The following ZNF385D variants were observed in gnomAD, a reference collection of about 807,000 sequenced individuals.
ZNF385D encodes zinc finger protein 659.
Under a neutral mutation model 35.8 loss-of-function variants are expected in ZNF385D, and 15 were observed. The observed-to-expected ratio is 0.42, with a 90% CI of 0.28 to 0.64. ZNF385D has a LOEUF of 0.64. Ranked by LOEUF, ZNF385D falls within the 30% of genes least tolerant of loss-of-function variation. The probability of loss-of-function intolerance (pLI) is 0.23; values close to 1 mark genes in which losing one functional copy is unlikely to be tolerated. For synonymous variants in ZNF385D, 212 were observed against 186.8 expected (o/e 1.13, Z -1.10); for missense variants, 474 against 494.6 (o/e 0.96, Z 0.39).
chr3:21,890,122 T>C (rs1238548754), intron 3 of ZNF385D, among the ~76,000 whole-genome samples: 1 of 152,146 alleles, frequency 6.6e-6, no homozygotes, highest in African/African-American at 2.4e-5. Context: ...TATATATATC[T>C]TTTTGGGGAG....
intron 2 of ZNF385D, among the ~76,000 whole-genome samples, chr3:21,661,220 G>T (rs535388597): frequency 3.9e-5 from 6 of 152,250 alleles, no homozygotes; most frequent in African/African-American, 1.4e-4. Context: ...GCCTGGAATA[G>T]TTTGTATTTT....
chr3:21,437,204 CTG>C lies in ZNF385D; in HGVS notation c.440-3_440-2del. 1 of 1,609,842 alleles carries C rather than the reference CTG, an allele frequency of 6.2e-7. No individual in the cohort carries two copies. Among genetic ancestry groups the C allele is most frequent in the Admixed American group, 1.7e-5 (1 of 59,198 alleles). On this transcript the variant is annotated splice_acceptor_variant and splice_polypyrimidine_tract_variant and intron_variant, in intron 4 of 7. Transcript: ENST00000281523. LOFTEE classifies it high-confidence loss of function. ...ATTGCTGGTGTCCCTGCAGTACCGTCTGTATTCAAAATAACACAGAAAAAAGG... is the reference window on the plus strand; with the variant it reads ...ATTGCTGGTGTCCCTGCAGTACCGTCTATTCAAAATAACACAGAAAAAAGG...
At chr3:21,999,384 G>A (rs959443303) in intron 3 of ZNF385D, among the ~76,000 whole-genome samples, 3 of 151,810 alleles carry the variant, frequency 2.0e-5, no homozygotes, top group African/African-American at 4.8e-5. Context: ...TGCAATCTTA[G>A]TGTATGGGAT....
intron 2 of ZNF385D, among the ~76,000 whole-genome samples, chr3:22,260,713 C>T (rs1339062869): frequency 6.6e-6 from 1 of 151,774 alleles, no homozygotes; most frequent in Non-Finnish European, 1.5e-5. Context: ...TAAAAAATAC[C>T]TTCTAATTTA....
At chr3:22,339,199 T>C (rs192938665) in intron 2 of ZNF385D, among the ~76,000 whole-genome samples, 2 of 152,290 alleles carry the variant, frequency 1.3e-5, no homozygotes, top group Non-Finnish European at 2.9e-5. Flanking sequence ...AAACATTTAG[T>C]TTTAGCTGAA....
intron 2 of ZNF385D, among the ~76,000 whole-genome samples, chr3:22,214,187 G>A (rs1697705638): frequency 6.6e-6 from 1 of 152,002 alleles, no homozygotes; most frequent in African/African-American, 2.4e-5. Flanking sequence ...TGTCTTTACT[G>A]CAATCTCTGA....
At chr3:22,294,248 A>G (rs1453074119) in intron 2 of ZNF385D, among the ~76,000 whole-genome samples, 1 of 152,072 alleles carries the variant, frequency 6.6e-6, no homozygotes, top group Non-Finnish European at 1.5e-5. Context: ...GCTCTAGTTA[A>G]TAGGAGGTGG....
chr3:22,155,785 T>G (rs1430096148), intron 3 of ZNF385D, among the ~76,000 whole-genome samples: 1 of 152,140 alleles, frequency 6.6e-6, no homozygotes, highest in East Asian at 1.9e-4. Flanking sequence ...TAAAAAACAA[T>G]GGAGAGCAGT....
At chr3:22,082,184 A>G (rs910347385) in intron 3 of ZNF385D, among the ~76,000 whole-genome samples, 3 of 152,034 alleles carry the variant, frequency 2.0e-5, no homozygotes, top group South Asian at 4.2e-4. Flanking sequence ...CACCTGGTTT[A>G]TCTCACTGGG....
intron 2 of ZNF385D, among the ~76,000 whole-genome samples, chr3:22,197,663 G>A (rs1046833168): frequency 2.6e-5 from 4 of 152,024 alleles, no homozygotes; most frequent in Non-Finnish European, 5.9e-5. Context: ...AAACTCCAGT[G>A]TTTTTCACTC....
At chr3:22,049,697 C>T (rs916239403) in intron 3 of ZNF385D, among the ~76,000 whole-genome samples, 3 of 152,016 alleles carry the variant, frequency 2.0e-5, no homozygotes, top group Non-Finnish European at 4.4e-5. Flanking sequence ...CTTTCTATAC[C>T]TTATTTATTG....
At chr3:21,961,869 A>G (rs1441746394) in intron 3 of ZNF385D, among the ~76,000 whole-genome samples, 1 of 152,094 alleles carries the variant, frequency 6.6e-6, no homozygotes, top group African/African-American at 2.4e-5. Context: ...GATAAAAATG[A>G]CCATAGAGCT....
chr3:21,988,561 G>A (rs1000908625), intron 3 of ZNF385D, among the ~76,000 whole-genome samples: 7 of 149,978 alleles, frequency 4.7e-5, no homozygotes, highest in African/African-American at 1.5e-4. Flanking sequence ...GAGAACCACT[G>A]CTCTGTTCAG....
At chr3:21,941,427 T>C (rs1701509602) in intron 3 of ZNF385D, among the ~76,000 whole-genome samples, 1 of 151,772 alleles carries the variant, frequency 6.6e-6, no homozygotes, top group Non-Finnish European at 1.5e-5. Context: ...AACAATGATC[T>C]ACCAAGTATA....
At chr3:21,536,145 G>A (rs571413704) in intron 3 of ZNF385D, among the ~76,000 whole-genome samples, 8 of 151,910 alleles carry the variant, frequency 5.3e-5, no homozygotes, top group South Asian at 2.1e-4. Flanking sequence ...TGTCTCTTTC[G>A]TTTTACTATT....
At chr3:21,767,154 T>A (rs182716276) in intron 3 of ZNF385D, among the ~76,000 whole-genome samples, 4 of 149,684 alleles carry the variant, frequency 2.7e-5, no homozygotes, top group Non-Finnish European at 5.9e-5. Context: ...ATATTGTCAA[T>A]TGAGAGTCTT....
At chr3:22,240,978 T>C (rs1699462073) in intron 2 of ZNF385D, among the ~76,000 whole-genome samples, 1 of 151,124 alleles carries the variant, frequency 6.6e-6, no homozygotes, top group African/African-American at 2.4e-5. Flanking sequence ...TCTATCAGAC[T>C]ATGAATGCCT....
At chr3:22,132,850 C>T (rs753222469) in intron 3 of ZNF385D, among the ~76,000 whole-genome samples, 15 of 151,894 alleles carry the variant, frequency 9.9e-5, no homozygotes, top group Admixed American at 1.3e-4. Flanking sequence ...TTATGTAAAG[C>T]GCTAAAGATA....
intron 3 of ZNF385D, among the ~76,000 whole-genome samples, chr3:22,042,372 G>A (rs542151835): frequency 8.6e-5 from 13 of 152,040 alleles, no homozygotes; most frequent in East Asian, 3.9e-4. Context: ...TACAGTTGAC[G>A]ATGAATACTT....
Sources: gnomAD v4.1 joint callset for allele counts (sites outside exome capture counted in the v4.1 genomes callset) on GRCh38, gnomAD v4.1.1 for gene constraint, MANE v1.5 for transcripts, NCBI Gene and HGNC (gene_info 2026-07-23, HGNC 2026-07-21) for gene names.